NOS2: variants seen among roughly 807,000 people sequenced by gnomAD.
The protein encoded by NOS2 is nitric oxide synthase, inducible.
A neutral mutation model predicts 136.0 loss-of-function variants in NOS2; 96 were observed. The observed-to-expected ratio is 0.71, with a 90% CI of 0.60 to 0.84. NOS2 has a LOEUF of 0.84. Ranked by LOEUF, NOS2 falls within the 40% of genes least tolerant of loss-of-function variation. NOS2 has a pLI of 0.00. For missense variants in NOS2, 1,237 were observed against 1,496.9 expected, an observed-to-expected ratio of 0.83 and a Z score of 2.87; for synonymous variants, 539 against 587.5, an observed-to-expected ratio of 0.92 and a Z score of 1.20.
At position 27,778,996 on chromosome 17, in the gene NOS2, C is replaced by G; in HGVS notation, c.1065G>C (p.Met355Ile). ...KWYALPAVAN[M>I]LLEVGGLEFP... ...ACTCCAGGCCGCCCACCTCAAGCAG[C>G]ATGTTGGCCACTGCAGGCAGGGCGT... The change falls in exon 10 of 27, where the codon ATG becomes ATC. Residue 355 changes from methionine to isoleucine, a missense_variant. Around this residue, in one of 3 missense-constraint regions of NOS2, gnomAD observed 440 missense variants for 545.4 expected, o/e 0.81. Transcript: ENST00000313735. 1 of 1,611,620 alleles carries G rather than the reference C, an allele frequency of 6.2e-7. No homozygotes were observed. Among genetic ancestry groups the G allele is most frequent in the Non-Finnish European group, 8.5e-7 (1 of 1,178,280 alleles).
intron 17 of NOS2, among the ~76,000 whole-genome samples, chr17:27,768,614 T>C (rs760269655): frequency 1.3e-5 from 2 of 152,130 alleles, no homozygotes; most frequent in Non-Finnish European, 2.9e-5. Context: ...GGATCCGCCA[T>C]TGTGTGGTGC....
intron 14 of NOS2, 61 bp from the exon 15 acceptor site, chr17:27,771,078 G>T: frequency 3.2e-6 from 4 of 1,239,854 alleles, no homozygotes; most frequent in Admixed American, 3.7e-5. Flanking sequence ...CCTACCCTGC[G>T]CAGACACCCT....
Position 27,762,823 on chromosome 17 carries a change from C to T in NOS2, c.2775G>A (p.Val925=), listed in dbSNP as rs1347572876. 5.8e-6 allele frequency: 9 copies of T among 1,556,086 alleles called. No individual in the cohort carries two copies. In the East Asian group the frequency reaches 2.2e-4, roughly 37 times the overall value. The change falls in exon 22 of 27, where the codon GTG becomes GTA. Residue 925 remains valine, a synonymous_variant. Transcript: ENST00000313735. ...DHTPTEIHLT[V]AVVTYHTRDG... is the part of the protein sequence containing the mutation. The stretch of plus-strand genomic sequence containing the variant: ...CTCGGGTGTGGTAGGTGACCACGGC[C>T]ACAGTCAGGTGGATCTCTGTGGGCG...
intron 2 of NOS2, among the ~76,000 whole-genome samples, chr17:27,791,690 C>T (rs996976466): frequency 2.6e-5 from 4 of 150,950 alleles, no homozygotes; most frequent in African/African-American, 9.7e-5. Flanking sequence ...TAAATAAAGA[C>T]TTCCATACTG....
At position 27,772,451 on chromosome 17, in the gene NOS2, C is replaced by T; in HGVS notation, c.1561G>A (p.Ala521Thr). ...REIPLKVLVK[A>T]VLFACMLMRK... ...ATCAGCATACAGGCAAAGAGCACAG[C>T]TCTGTGGGGACAGACAGACAGGCAG... The change falls in exon 14 of 27, where the codon GCT (alanine) becomes ACT (threonine). Residue 521 changes from alanine to threonine, a missense_variant and splice_region_variant. Ala to Thr is a moderately conservative substitution (Grantham distance 58, BLOSUM62 0). Transcript: ENST00000313735. 2 of 1,613,930 alleles carry T rather than the reference C, an allele frequency of 1.2e-6. No individual in the cohort carries two copies. Among genetic ancestry groups the T allele is most frequent in the Non-Finnish European group, 1.7e-6 (2 of 1,180,024 alleles).
At position 27,758,345 on chromosome 17, in the gene NOS2, G is replaced by T. The variant is rs28944209; in HGVS notation, c.3354+536C>A. Among the ~76,000 whole-genome samples, 1,388 of 152,308 alleles carry T rather than the reference G, an allele frequency of 9.1e-3. 20 individuals are homozygous for T. The highest frequency in any genetic ancestry group is 0.031 in the African/African-American group (1,300 of 41,554). ...TAAAAGGGGGTGCCTCCCTCATAAA[G>T]TCCTCGGCAGGACTGAATGAAATGT... is the stretch of plus-strand genomic sequence containing the variant. On this transcript the variant is annotated intron_variant, in intron 26 of 26. Transcript: ENST00000313735.
At chr17:27,771,973 C>G (rs1462180614) in intron 14 of NOS2, among the ~76,000 whole-genome samples, 1 of 152,252 alleles carries the variant, frequency 6.6e-6, no homozygotes, top group Non-Finnish European at 1.5e-5. Context: ...GCTTACTCAT[C>G]TCTTCCCCCT....
chr17:27,789,678 G>A lies in NOS2; in HGVS notation c.121C>T (p.Gln41Ter). The change falls in exon 3 of 27, where the codon CAG becomes TAG. Residue 41 changes from glutamine (Q) to a stop codon, truncating the protein, a stop_gained. Coordinates refer to ENST00000313735, the MANE Select transcript of NOS2 (RefSeq NM_000625.4). LOFTEE classifies it high-confidence loss of function. ...AGGTTGTGATACTGAAGGTCATCCT[G>A]TGTCACTGGACTGTGAAAGGAAACA... Reference protein sequence around the residue: ...APCATSSPVTQDDLQYHNLSK... With the variant: ...APCATSSPVT The A allele has an allele frequency of 1.2e-6, 2 of 1,613,680 alleles. No individual in the cohort carries two copies. The highest frequency in any genetic ancestry group is 1.7e-6 in the Non-Finnish European group (2 of 1,179,576).
In NOS2 at chr17:27,769,163, C is replaced by CA. The variant is rs1361571398; in HGVS notation, c.1860-13dup. On this transcript the variant is annotated splice_polypyrimidine_tract_variant and intron_variant, in intron 16 of 26. Coordinates refer to ENST00000313735, the MANE Select transcript of NOS2 (RefSeq NM_000625.4). ...CAAACACAGCGTACCTGCCCGAGGA[C>CA]ACACACAGAGACACATGTCCCATGC... is the stretch of plus-strand genomic sequence containing the variant. The CA allele has an allele frequency of 1.2e-6, 2 of 1,601,184 alleles. No homozygotes were observed. The highest frequency in any genetic ancestry group is 2.2e-5 in the South Asian group (2 of 89,636).
At chr17:27,784,384 C>A (rs1396285785) in intron 5 of NOS2, among the ~76,000 whole-genome samples, 4 of 152,156 alleles carry the variant, frequency 2.6e-5, no homozygotes, top group Non-Finnish European at 5.9e-5. Flanking sequence ...CCCAAGGACA[C>A]CCCTGCCATA....
At chr17:27,772,854 C>T (rs895621309) in intron 13 of NOS2, among the ~76,000 whole-genome samples, 5 of 151,934 alleles carry the variant, frequency 3.3e-5, no homozygotes, top group Non-Finnish European at 5.9e-5. Flanking sequence ...GGCAACACTG[C>T]GAGACCCCGT....
chr17:27,785,260 T>C (rs1273582928), intron 5 of NOS2, among the ~76,000 whole-genome samples: 7 of 152,220 alleles, frequency 4.6e-5, no homozygotes, highest in African/African-American at 1.7e-4. Flanking sequence ...GCACACGTGC[T>C]TTATGCTAAA....
At chr17:27,790,953 T>C (rs1228225459) in intron 2 of NOS2, among the ~76,000 whole-genome samples, 1 of 152,214 alleles carries the variant, frequency 6.6e-6, no homozygotes, top group Admixed American at 6.5e-5. Context: ...TGCTTGTGCA[T>C]CTGAGGGAGA....
intron 5 of NOS2, among the ~76,000 whole-genome samples, chr17:27,786,629 C>T (rs1213960356): frequency 6.6e-6 from 1 of 152,142 alleles, no homozygotes; most frequent in Non-Finnish European, 1.5e-5. Context: ...TTACTGTGGC[C>T]CAGGCATTGT....
At chr17:27,794,823 C>T (rs1425142279) in intron 2 of NOS2, among the ~76,000 whole-genome samples, 3 of 152,084 alleles carry the variant, frequency 2.0e-5, no homozygotes, top group African/African-American at 7.2e-5. Context: ...TTCATGACAC[C>T]TGAACAGATT....
chr17:27,773,987 G>C (rs553351564), intron 12 of NOS2, among the ~76,000 whole-genome samples: 1 of 152,268 alleles, frequency 6.6e-6, no homozygotes, highest in East Asian at 1.9e-4. Context: ...GACTGTTGCC[G>C]GGCCCTCCCG....
At chr17:27,788,583 T>C (rs1909095438) in intron 4 of NOS2, among the ~76,000 whole-genome samples, 1 of 152,198 alleles carries the variant, frequency 6.6e-6, no homozygotes, top group Admixed American at 6.5e-5. Flanking sequence ...TCTGCAATCA[T>C]TTATTTGACC....
At position 27,765,636 on chromosome 17, in the gene NOS2, C is replaced by A. The variant is rs201105235; in HGVS notation, c.2327G>T (p.Cys776Phe). The A allele has an allele frequency of 6.8e-5, 109 of 1,613,212 alleles. No individual in the cohort carries two copies. Among genetic ancestry groups the A allele is most frequent in the Middle Eastern group, 5.1e-4 (3 of 5,934 alleles). ...NYLPGEHLGV[C>F]PGNQPALVQG... ...GACCAGGGCCGGCTGGTTGCCTGGGCAAACCCCAAGGTGCTCCCCCGGCAG... is the reference window on the plus strand; with the variant it reads ...GACCAGGGCCGGCTGGTTGCCTGGGAAAACCCCAAGGTGCTCCCCCGGCAG... Residue 776 changes from cysteine to phenylalanine, a missense_variant, in exon 20 of 27, where the codon TGC (cysteine) becomes TTC (phenylalanine). Coordinates refer to ENST00000313735, the MANE Select transcript of NOS2 (RefSeq NM_000625.4).
Position 27,760,482 on chromosome 17 carries a change from C to A in NOS2, c.3010+141G>T, listed in dbSNP as rs550266685. On this transcript the variant is annotated intron_variant, in intron 24 of 26. Coordinates refer to ENST00000313735, the MANE Select transcript of NOS2 (RefSeq NM_000625.4). ...AGACGGAAAGGCAGCCATTCTAACC[C>A]GCAGAGGCCCGCACAGGGAAGCAAA... 4 of 1,146,572 alleles carry A rather than the reference C, an allele frequency of 3.5e-6. No homozygotes were observed. In the Admixed American group the frequency reaches 9.1e-5, roughly 26 times the overall value. 71.0% of individuals were successfully genotyped at this position (1,146,572 alleles called of 1,614,324 possible). A position where few individuals can be genotyped will look rare whatever the true frequency, so the allele number is the denominator to read the frequency against.
Sources: allele counts gnomAD v4.1 joint callset (sites outside exome capture counted in the v4.1 genomes callset), GRCh38; gene constraint gnomAD v4.1.1; regional missense constraint gnomAD v4.1.1; transcripts MANE v1.5; gene names NCBI Gene and HGNC (gene_info 2026-07-23, HGNC 2026-07-21).